The following COL28A1 variants were observed in gnomAD, a reference collection of about 807,000 sequenced individuals.
The protein encoded by COL28A1 is collagen type XXVIII alpha 1 chain.
Under a neutral mutation model 150.2 loss-of-function variants are expected in COL28A1, and 161 were observed. That is an observed-to-expected ratio of 1.07 (90% CI 0.94 to 1.22). COL28A1 has a LOEUF of 1.22. COL28A1 is among the 50% of genes most tolerant of loss of function. The probability of loss-of-function intolerance (pLI) is 0.00; values close to 1 mark genes in which losing one functional copy is unlikely to be tolerated. For synonymous variants in COL28A1, 552 were observed against 469.7 expected (o/e 1.18, Z -2.26); for missense variants, 1,617 against 1,388.3 (o/e 1.16, Z -2.62).
At chr7:7,397,514 A>AATAATT (rs1782909439) in intron 27 of COL28A1, among the ~76,000 whole-genome samples, 1 of 152,202 alleles carries the variant, frequency 6.6e-6, no homozygotes, top group African/African-American at 2.4e-5. Context: ...AAAGTAAGAT[A>AATAATT]ATAATTATAT....
intron 27 of COL28A1, among the ~76,000 whole-genome samples, chr7:7,398,480 A>G (rs972366292): frequency 6.6e-5 from 10 of 152,224 alleles, no homozygotes; most frequent in African/African-American, 2.2e-4. Context: ...CATGCTCACA[A>G]TTTTGATTTT....
chr7:7,372,986 A>G lies in COL28A1; in HGVS notation c.2908+12T>C. 2.4e-5 allele frequency: 39 copies of G among 1,606,862 alleles called. No individual in the cohort carries two copies. Among genetic ancestry groups the G allele is most frequent in the Non-Finnish European group, 3.3e-5 (39 of 1,175,970 alleles). ...TAAATGCCTTTCCCCTGGGCCAGAT[A>G]GCCTTCCTTACCTTGCAGGGTAAAG... On this transcript the variant is annotated intron_variant, in intron 32 of 34. Coordinates refer to ENST00000399429, the MANE Select transcript of COL28A1 (RefSeq NM_001037763.3).
At chr7:7,355,118 A>T (rs757321018), downstream of COL28A1, among the ~76,000 whole-genome samples, 2 of 152,190 alleles carry the variant, frequency 1.3e-5, no homozygotes, top group Non-Finnish European at 2.9e-5. Flanking sequence ...AAAAAGTAAA[A>T]AGACAAACTA....
chr7:7,470,060 C>T (rs1335472061), intron 15 of COL28A1, among the ~76,000 whole-genome samples: 20 of 18,260 alleles, frequency 1.1e-3, no homozygotes, highest in African/African-American at 5.7e-3. Context: ...GCAAGGACTT[C>T]ATGTCCAAAA....
chr7:7,475,996 G>T (rs1344742569), intron 14 of COL28A1, among the ~76,000 whole-genome samples: 2 of 152,110 alleles, frequency 1.3e-5, no homozygotes, highest in Non-Finnish European at 2.9e-5. Flanking sequence ...TTATCTAATT[G>T]TTTTCCCTCT....
At chr7:7,482,045 G>A (rs1779353641) in intron 13 of COL28A1, among the ~76,000 whole-genome samples, 1 of 152,126 alleles carries the variant, frequency 6.6e-6, no homozygotes, top group Non-Finnish European at 1.5e-5. Flanking sequence ...TCAAAAGTAG[G>A]TCTCGGAGCT....
At chr7:7,426,226 G>A (rs995401081) in intron 25 of COL28A1, among the ~76,000 whole-genome samples, 3 of 152,210 alleles carry the variant, frequency 2.0e-5, no homozygotes, top group African/African-American at 7.2e-5. Flanking sequence ...TAAGGTAGAA[G>A]TCAAAGTGAT....
chr7:7,477,768 A>G (rs960482806), intron 13 of COL28A1, among the ~76,000 whole-genome samples: 1 of 152,160 alleles, frequency 6.6e-6, no homozygotes, highest in Admixed American at 6.6e-5. Context: ...CTTCCACGGT[A>G]TGGAAACGGA....
In COL28A1 at chr7:7,502,528, T is replaced by G. The variant is rs79372270; in HGVS notation, c.1026+3486A>C. Among the ~76,000 whole-genome samples the G allele has an allele frequency of 4.9e-3, 752 of 152,254 alleles. 14 individuals are homozygous for G. Among genetic ancestry groups the G allele is most frequent in the Admixed American group, 0.025 (379 of 15,288 alleles). ...GAGCGTAATTCAAGAGAAAGACCATTTGTAAATTCATAGACATAGGCAGGC... is the reference window on the plus strand; with the variant it reads ...GAGCGTAATTCAAGAGAAAGACCATGTGTAAATTCATAGACATAGGCAGGC... On this transcript the variant is annotated intron_variant, in intron 11 of 34. Transcript: ENST00000399429.
At chr7:7,540,752 A>G (rs1451972485), upstream of COL28A1, among the ~76,000 whole-genome samples, 2 of 152,230 alleles carry the variant, frequency 1.3e-5, no homozygotes, top group Non-Finnish European at 2.9e-5. Flanking sequence ...GTCCCAGCAC[A>G]TTAAAGAGTC....
At chr7:7,529,423 C>T (rs1344345232) in intron 3 of COL28A1, among the ~76,000 whole-genome samples, 1 of 152,112 alleles carries the variant, frequency 6.6e-6, no homozygotes, top group Non-Finnish European at 1.5e-5. Flanking sequence ...AGCAGCACCT[C>T]CTTCTAAAAA....
chr7:7,536,863 T>C (rs75276035), upstream of COL28A1, among the ~76,000 whole-genome samples: 508 of 152,292 alleles, frequency 3.3e-3, 2 homozygotes, highest in African/African-American at 0.011. Context: ...ATTTAATCCT[T>C]CACAAGCACA....
chr7:7,344,003 C>G, the COL28A1 span, among the ~76,000 whole-genome samples: 1 of 149,502 alleles, frequency 6.7e-6, no homozygotes, highest in South Asian at 2.1e-4. Context: ...GAGACCCTAT[C>G]TTAAAATAAA....
chr7:7,462,334 A>C (rs573939784), intron 15 of COL28A1, among the ~76,000 whole-genome samples: 27 of 152,312 alleles, frequency 1.8e-4, no homozygotes, highest in South Asian at 4.1e-4. Context: ...TAACACCCCC[A>C]AAAAATTACA....
At chr7:7,396,117 AG>A (rs1782820473) in intron 27 of COL28A1, among the ~76,000 whole-genome samples, 2 of 152,194 alleles carry the variant, frequency 1.3e-5, no homozygotes, top group African/African-American at 2.4e-5. Flanking sequence ...TAGCCTTTCT[AG>A]TACATAAAAT....
In COL28A1 at chr7:7,393,032, T is replaced by C. The variant is rs146911895; in HGVS notation, c.2137-11420A>G. Among the ~76,000 whole-genome samples, 3 of 152,302 alleles carry C rather than the reference T, an allele frequency of 2.0e-5. No homozygotes were observed. The East Asian group carries it at 5.8e-4, about 29-fold the overall frequency. On this transcript the variant is annotated intron_variant, in intron 27 of 34. Coordinates refer to ENST00000399429, the MANE Select transcript of COL28A1 (RefSeq NM_001037763.3). ...TTGTTCCCTTGCTGGCGAGGAGTTGTGATCCTTTGGAGGAGAAGAGGCGTT... is the reference window on the plus strand; with the variant it reads ...TTGTTCCCTTGCTGGCGAGGAGTTGCGATCCTTTGGAGGAGAAGAGGCGTT...
intron 15 of COL28A1, among the ~76,000 whole-genome samples, chr7:7,462,175 G>C (rs1331856874): frequency 1.3e-5 from 2 of 152,148 alleles, no homozygotes; most frequent in African/African-American, 4.8e-5. Context: ...CCTAGAAAAA[G>C]GATGAGACTA....
At chr7:7,438,692 G>C (rs1785529735) in intron 21 of COL28A1, among the ~76,000 whole-genome samples, 1 of 152,098 alleles carries the variant, frequency 6.6e-6, no homozygotes, top group Admixed American at 6.5e-5. Context: ...ATATTAGTAT[G>C]ATAGCTTATA....
intron 34 of COL28A1, 51 bp from the exon 35 acceptor site, chr7:7,358,856 A>T (rs1156960457): frequency 6.9e-7 from 1 of 1,446,378 alleles, no homozygotes; most frequent in East Asian, 2.3e-5. Context: ...TACTGAAGAC[A>T]TGAAAAATAA....
Sources: allele counts gnomAD v4.1 joint callset (sites outside exome capture counted in the v4.1 genomes callset), GRCh38; gene constraint gnomAD v4.1.1; transcripts MANE v1.5; gene names NCBI Gene and HGNC (gene_info 2026-07-23, HGNC 2026-07-21).